YAE1: variants seen among roughly 807,000 people sequenced by gnomAD.
YAE1 encodes protein YAE1 homolog.
In YAE1, 22 loss-of-function variants were observed where a neutral mutation model predicts 23.0. The observed-to-expected ratio is 0.96, with a 90% CI of 0.68 to 1.37. The LOEUF (loss-of-function observed/expected upper bound fraction) is 1.37. YAE1 is among the 40% of genes most tolerant of loss of function. The probability of loss-of-function intolerance (pLI) is 0.00; values close to 1 mark genes in which losing one functional copy is unlikely to be tolerated. For missense variants in YAE1, 260 were observed against 262.1 expected, an observed-to-expected ratio of 0.99 and a Z score of 0.06; for synonymous variants, 101 against 97.0, an observed-to-expected ratio of 1.04 and a Z score of -0.24.
intron 2 of YAE1, among the ~76,000 whole-genome samples, chr7:39,608,471 A>G (rs75992460): frequency 1.5e-3 from 230 of 152,330 alleles, no homozygotes; most frequent in African/African-American, 5.3e-3. Context: ...CCGGGAAAGA[A>G]GAAAAAGAAA....
Position 39,572,328 on chromosome 7 carries a change from T to G in YAE1, c.303T>G (p.Asn101Lys), listed in dbSNP as rs1487357556. Reference protein sequence around the residue: ...HLHNNNSTLINKINNLLDAVG... With the variant: ...HLHNNNSTLIKKINNLLDAVG... ...ATAATAATAATTCAACTTTGATCAA[T>G]AAAATAAACAATCTTCTGGATGCAG... is the stretch of plus-strand genomic sequence containing the variant. The change falls in exon 3 of 3, where the codon AAT becomes AAG. Residue 101 changes from asparagine to lysine, a missense_variant. By Grantham distance (94) the Asn-to-Lys change is moderately conservative. Coordinates refer to ENST00000223273, the MANE Select transcript of YAE1 (RefSeq NM_020192.5). The G allele has an allele frequency of 6.2e-7, 1 of 1,613,778 alleles. No homozygotes were observed. The highest frequency in any genetic ancestry group is 8.5e-7 in the Non-Finnish European group (1 of 1,179,874).
chr7:39,584,681 C>T (rs77140017), intron 2 of YAE1, among the ~76,000 whole-genome samples: 3,020 of 152,082 alleles, frequency 0.02, 65 homozygotes, highest in East Asian at 0.11. Context: ...AGGGATGGTC[C>T]AGTGGCAGTG....
At chr7:39,578,102 A>G (rs1399164305) in intron 2 of YAE1, among the ~76,000 whole-genome samples, 1 of 152,182 alleles carries the variant, frequency 6.6e-6, no homozygotes, top group Admixed American at 6.5e-5. Context: ...GTGTCTAGCT[A>G]ATCTGGTGGG....
downstream of YAE1, among the ~76,000 whole-genome samples, chr7:39,574,305 A>G (rs964802966): frequency 4.6e-5 from 7 of 152,242 alleles, no homozygotes; most frequent in African/African-American, 1.7e-4. Flanking sequence ...CCTTTTAAAA[A>G]GTACAGAAGG....
chr7:39,579,971 G>A (rs747109392), intron 2 of YAE1, among the ~76,000 whole-genome samples: 2 of 151,900 alleles, frequency 1.3e-5, no homozygotes, highest in Non-Finnish European at 2.9e-5. Context: ...CCTGAGCCCA[G>A]GAGCTTGAGG....
chr7:39,584,564 G>T (rs748059551), intron 2 of YAE1, among the ~76,000 whole-genome samples: 8 of 151,952 alleles, frequency 5.3e-5, no homozygotes, highest in Non-Finnish European at 1.0e-4. Flanking sequence ...AGGGCCTATT[G>T]TGCTGACCCC....
chr7:39,590,105 A>T (rs1790879918), intron 2 of YAE1, among the ~76,000 whole-genome samples: 1 of 152,252 alleles, frequency 6.6e-6, no homozygotes, highest in Non-Finnish European at 1.5e-5. Flanking sequence ...TAGGAAAATC[A>T]TAAGAGTGTA....
chr7:39,586,176 CTT>C (rs3038969), intron 2 of YAE1, among the ~76,000 whole-genome samples: 11 of 142,536 alleles, frequency 7.7e-5, no homozygotes, highest in Admixed American at 1.4e-4. Context: ...TTTTTTTCCT[CTT>C]TTTTTTTTTT....
At chr7:39,566,613 T>C (rs1790472314) in intron 1 of YAE1, 66 bp downstream of exon 1, 2 of 1,599,202 alleles carry the variant, frequency 1.3e-6, no homozygotes, top group Non-Finnish European at 1.7e-6. Flanking sequence ...GTGAAGAAGC[T>C]GGGTCCAGAG....
intron 1 of YAE1, among the ~76,000 whole-genome samples, chr7:39,567,969 T>C (rs1207645047): frequency 5.3e-5 from 8 of 152,198 alleles, no homozygotes; most frequent in Non-Finnish European, 8.8e-5. Context: ...ATCCTGTTGA[T>C]TTCTACCTGT....
chr7:39,597,730 T>C (rs1432440139), intron 2 of YAE1, among the ~76,000 whole-genome samples: 3 of 152,186 alleles, frequency 2.0e-5, no homozygotes, highest in Non-Finnish European at 4.4e-5. Flanking sequence ...TAGGATTATT[T>C]TCTTTTCTGG....
At chr7:39,610,108 G>A (rs6968742) in exon 3 of YAE1, 3 of 1,173,552 alleles carry the variant, frequency 2.6e-6, no homozygotes, top group Non-Finnish European at 3.5e-6. Context: ...TTGGCCCTCC[G>A]GCAAGCTAGA....
intron 1 of YAE1, among the ~76,000 whole-genome samples, chr7:39,567,226 G>A (rs1790486480): frequency 6.6e-6 from 1 of 152,198 alleles, no homozygotes; most frequent in Non-Finnish European, 1.5e-5. Context: ...TAAAGCTGCA[G>A]TTGGGAATCT....
chr7:39,570,494 A>C lies in YAE1; in HGVS notation c.130-12A>C. 6.2e-7 allele frequency: 1 copy of C among 1,607,086 alleles called. No individual in the cohort carries two copies. Among genetic ancestry groups the C allele is most frequent in the Non-Finnish European group, 8.5e-7 (1 of 1,178,634 alleles). The stretch of plus-strand genomic sequence containing the variant: ...TTAGTTACAGCTGCACTTCTCCATT[A>C]CTTATTTTTAGGAAGGTTATAGAGA... On this transcript the variant is annotated splice_polypyrimidine_tract_variant and intron_variant, in intron 1 of 2. Coordinates refer to ENST00000223273, the MANE Select transcript of YAE1 (RefSeq NM_020192.5).
At chr7:39,608,542 C>T (rs1791161924) in intron 2 of YAE1, among the ~76,000 whole-genome samples, 1 of 152,192 alleles carries the variant, frequency 6.6e-6, no homozygotes, top group African/African-American at 2.4e-5. Flanking sequence ...AGGAGATCTG[C>T]TCTCTTGACC....
Position 39,581,145 on chromosome 7 carries a change from A to G in YAE1, c.251+10518A>G, listed in dbSNP as rs117226124. On this transcript the variant is annotated intron_variant, in intron 2 of 2. Transcript: ENST00000432096. ...CAACTTTGTTAACCTACTCAAATATATCACAACTCTTCTCTTTTTAGTCAA... is the reference window on the plus strand; with the variant it reads ...CAACTTTGTTAACCTACTCAAATATGTCACAACTCTTCTCTTTTTAGTCAA... Among the ~76,000 whole-genome samples the G allele has an allele frequency of 6.2e-4, 94 of 152,346 alleles. 1 individual carries two copies. The East Asian group carries it at 8.7e-3, about 14-fold the overall frequency.
At chr7:39,568,080 A>C (rs903110651) in intron 1 of YAE1, among the ~76,000 whole-genome samples, 1 of 152,100 alleles carries the variant, frequency 6.6e-6, no homozygotes, top group Admixed American at 6.5e-5. Context: ...TCTACTAAAA[A>C]TACAAAAATT....
Position 39,572,778 on chromosome 7 carries a change from G to A in YAE1, c.*72G>A. 1.3e-6 allele frequency: 2 copies of A among 1,501,924 alleles called. No homozygotes were observed. The highest frequency in any genetic ancestry group is 1.8e-6 in the Non-Finnish European group (2 of 1,131,494). 93.0% of individuals were successfully genotyped at this position (1,501,924 alleles called of 1,614,324 possible). Reference sequence around the variant, plus strand: ...TTCCTAACAATCGAAATTTGTACTGGTTTCTGCATCAAACACCTCAACTGT... The same window carrying A: ...TTCCTAACAATCGAAATTTGTACTGATTTCTGCATCAAACACCTCAACTGT... On this transcript the variant is annotated 3_prime_UTR_variant, in exon 3 of 3. Transcript: ENST00000223273.
downstream of YAE1, among the ~76,000 whole-genome samples, chr7:39,577,068 G>A (rs1276645235): frequency 6.6e-6 from 1 of 151,970 alleles, no homozygotes; most frequent in Non-Finnish European, 1.5e-5. Context: ...CTAATTTTTT[G>A]TATTTTTAGT....
Sources: gnomAD v4.1 joint callset for allele counts (sites outside exome capture counted in the v4.1 genomes callset) on GRCh38, gnomAD v4.1.1 for gene constraint, MANE v1.5 for transcripts, NCBI Gene and HGNC (gene_info 2026-07-23, HGNC 2026-07-21) for gene names.